MDGA2: variants seen among roughly 807,000 people sequenced by gnomAD.
The protein encoded by MDGA2 is MAM domain containing glycosylphosphatidylinositol anchor 2, also known as MAM domain-containing glycosylphosphatidylinositol anchor protein 2.
A neutral mutation model predicts 117.8 loss-of-function variants in MDGA2; 40 were observed. The ratio of observed to expected loss-of-function variants is 0.34; its 90% CI spans 0.26 to 0.44. MDGA2 has a LOEUF of 0.44. MDGA2 is among the 20% of genes least tolerant of loss of function. The pLI is 1.00. For synonymous variants in MDGA2, 452 were observed against 439.0 expected (o/e 1.03, Z -0.37); for missense variants, 1,123 against 1,250.6 (o/e 0.90, Z 1.54).
intron 7 of MDGA2, among the ~76,000 whole-genome samples, chr14:47,052,253 T>C (rs890893751): frequency 6.6e-6 from 1 of 151,856 alleles, no homozygotes; most frequent in Non-Finnish European, 1.5e-5. Flanking sequence ...GAAGTATATA[T>C]TGGGTATACT....
chr14:47,095,244 A>G (rs1879893731), intron 6 of MDGA2, among the ~76,000 whole-genome samples: 1 of 152,036 alleles, frequency 6.6e-6, no homozygotes, highest in South Asian at 2.1e-4. Context: ...CTTACATTCA[A>G]TAGTCTGTCA....
chr14:47,607,659 G>A (rs1448583230), intron 1 of MDGA2, among the ~76,000 whole-genome samples: 1 of 152,102 alleles, frequency 6.6e-6, no homozygotes, highest in Admixed American at 6.6e-5. Flanking sequence ...CAATAGGGTA[G>A]TGAGGTCATC....
intron 3 of MDGA2, among the ~76,000 whole-genome samples, chr14:47,203,688 G>A (rs1289562380): frequency 1.3e-5 from 2 of 151,926 alleles, no homozygotes; most frequent in African/African-American, 4.8e-5. Context: ...GTGAACCAGG[G>A]TAATTTTCAG....
intron 1 of MDGA2, among the ~76,000 whole-genome samples, chr14:47,359,093 C>G (rs932093913): frequency 6.6e-6 from 1 of 152,200 alleles, no homozygotes; most frequent in African/African-American, 2.4e-5. Context: ...CGGTGGCTCA[C>G]GCCTGTAATC....
At chr14:47,210,597 T>A (rs1885844912) in intron 3 of MDGA2, among the ~76,000 whole-genome samples, 1 of 152,220 alleles carries the variant, frequency 6.6e-6, no homozygotes, top group Admixed American at 6.5e-5. Context: ...CTACCTAGGA[T>A]ATACTCTTTC....
intron 6 of MDGA2, among the ~76,000 whole-genome samples, chr14:47,091,769 C>T (rs973585467): frequency 2.6e-5 from 4 of 151,952 alleles, no homozygotes; most frequent in Non-Finnish European, 4.4e-5. Flanking sequence ...TATATCTGCC[C>T]ATAAAAATCT....
chr14:47,192,176 G>A (rs1183869460), intron 3 of MDGA2, among the ~76,000 whole-genome samples: 1 of 152,172 alleles, frequency 6.6e-6, no homozygotes, highest in Non-Finnish European at 1.5e-5. Context: ...CAGACAAGAA[G>A]AGAAACAATT....
intron 8 of MDGA2, among the ~76,000 whole-genome samples, chr14:47,027,623 TA>T: frequency 1.4e-5 from 1 of 69,626 alleles, no homozygotes. Context: ...GAAGATATTA[TA>T]TATTATATAT....
At chr14:46,985,604 A>C (rs1886832279) in intron 8 of MDGA2, among the ~76,000 whole-genome samples, 1 of 152,078 alleles carries the variant, frequency 6.6e-6, no homozygotes, top group African/African-American at 2.4e-5. Context: ...ACAGTAGAAA[A>C]ATCTGCTCTC....
At chr14:46,971,234 T>C (rs918679787) in intron 8 of MDGA2, among the ~76,000 whole-genome samples, 2 of 152,136 alleles carry the variant, frequency 1.3e-5, no homozygotes, top group Non-Finnish European at 2.9e-5. Flanking sequence ...AAAAGAAATG[T>C]ATATATCAAA....
At chr14:46,967,043 TA>T (rs1218602031) in intron 8 of MDGA2, among the ~76,000 whole-genome samples, 1 of 140,218 alleles carries the variant, frequency 7.1e-6, no homozygotes, top group Non-Finnish European at 1.6e-5. Flanking sequence ...GCAATTTTTT[TA>T]ATTTTAAAAA....
chr14:47,620,792 C>A (rs921719214), intron 1 of MDGA2, among the ~76,000 whole-genome samples: 1 of 152,110 alleles, frequency 6.6e-6, no homozygotes, highest in African/African-American at 2.4e-5. Flanking sequence ...GAACTTTCCC[C>A]AGCAGTAAAT....
chr14:47,315,123 T>C (rs1889766084), intron 1 of MDGA2, among the ~76,000 whole-genome samples: 1 of 151,534 alleles, frequency 6.6e-6, no homozygotes, highest in East Asian at 1.9e-4. Flanking sequence ...TTCTGTAGTT[T>C]ATTTCTAAGT....
At chr14:47,129,531 G>C (rs2139141432) in intron 5 of MDGA2, among the ~76,000 whole-genome samples, 1 of 147,886 alleles carries the variant, frequency 6.8e-6, no homozygotes, top group African/African-American at 2.5e-5. Context: ...TTGCTATTGT[G>C]AATAATGCCG....
intron 2 of MDGA2, among the ~76,000 whole-genome samples, chr14:47,275,845 C>A (rs1332984191): frequency 6.6e-6 from 1 of 152,072 alleles, no homozygotes; most frequent in Non-Finnish European, 1.5e-5. Flanking sequence ...GAGCAGCCTG[C>A]GTAATGTAAT....
intron 7 of MDGA2, among the ~76,000 whole-genome samples, chr14:47,049,304 G>C (rs928773603): frequency 6.6e-6 from 1 of 151,952 alleles, no homozygotes; most frequent in Non-Finnish European, 1.5e-5. Flanking sequence ...GGTGGGGGAA[G>C]GTATTGGTTC....
intron 11 of MDGA2, among the ~76,000 whole-genome samples, chr14:46,880,438 CTG>C (rs1468149207): frequency 1.3e-5 from 2 of 151,998 alleles, no homozygotes; most frequent in Non-Finnish European, 2.9e-5. Flanking sequence ...ACAGCTAACA[CTG>C]AATATTAAAA....
chr14:47,562,947 A>C lies in MDGA2; in HGVS notation c.280+111570T>G, dbSNP rs765319816. 2.0e-4 allele frequency among the ~76,000 whole-genome samples: 30 copies of C among 152,154 alleles called. 1 individual carries two copies. Among genetic ancestry groups the C allele is most frequent in the Admixed American group, 7.9e-4 (12 of 15,282 alleles). ...TTGTATCTTATCGTTGTTCTCATTAATTTTAAAGAATTTCTTGATCTCTGC... is the reference window on the plus strand; with the variant it reads ...TTGTATCTTATCGTTGTTCTCATTACTTTTAAAGAATTTCTTGATCTCTGC... On this transcript the variant is annotated intron_variant, in intron 1 of 16. Coordinates refer to ENST00000399232, the MANE Select transcript of MDGA2 (RefSeq NM_001113498.3).
intron 1 of MDGA2, among the ~76,000 whole-genome samples, chr14:47,579,971 G>C (rs1319641314): frequency 1.3e-5 from 2 of 152,012 alleles, no homozygotes; most frequent in Non-Finnish European, 2.9e-5. Context: ...TACATAGTAG[G>C]TTCAAAGAGG....
Sources: allele counts gnomAD v4.1 joint callset (sites outside exome capture counted in the v4.1 genomes callset), GRCh38; gene constraint gnomAD v4.1.1; transcripts MANE v1.5; gene names NCBI Gene and HGNC (gene_info 2026-07-23, HGNC 2026-07-21).